PLEKHG1: variants seen among roughly 807,000 people sequenced by gnomAD.
PLEKHG1 encodes the protein pleckstrin homology and RhoGEF domain containing G1.
Under a neutral mutation model 100.8 loss-of-function variants are expected in PLEKHG1, and 44 were observed. The ratio of observed to expected loss-of-function variants is 0.44; its 90% CI spans 0.34 to 0.56. The LOEUF (loss-of-function observed/expected upper bound fraction) is 0.56, where lower values mean the gene tolerates loss of function less well. Among genes scored for constraint, PLEKHG1 ranks in the 20% least tolerant of loss-of-function variants. The pLI, the probability that PLEKHG1 is intolerant of heterozygous loss-of-function variation, is 0.01. For missense variants in PLEKHG1, 1,545 were observed against 1,720.9 expected (o/e 0.90, Z 1.81); for synonymous variants, 640 against 662.5 (o/e 0.97, Z 0.52).
chr6:150,657,478 T>G (rs567285602), intron 3 of PLEKHG1, among the ~76,000 whole-genome samples: 2 of 152,232 alleles, frequency 1.3e-5, no homozygotes, highest in African/African-American at 4.8e-5. Flanking sequence ...GTCAAAATTG[T>G]TTAATTGTTA....
At chr6:150,674,661 C>A (rs1307191178) in intron 3 of PLEKHG1, among the ~76,000 whole-genome samples, 1 of 141,606 alleles carries the variant, frequency 7.1e-6, no homozygotes, top group Admixed American at 7.2e-5. Flanking sequence ...CTCTCTCTCT[C>A]TCTCTCTCTC....
intron 3 of PLEKHG1, among the ~76,000 whole-genome samples, chr6:150,713,544 C>T (rs1049389017): frequency 6.6e-6 from 1 of 152,136 alleles, no homozygotes; most frequent in Non-Finnish European, 1.5e-5. Flanking sequence ...TGATGTTGAA[C>T]GTAGCCTTAG....
At chr6:150,836,758 G>C (rs909749005) in intron 15 of PLEKHG1, among the ~76,000 whole-genome samples, 3 of 151,696 alleles carry the variant, frequency 2.0e-5, no homozygotes, top group African/African-American at 7.3e-5. Context: ...AGGAGTCTGA[G>C]GCTGCAGTGA....
In PLEKHG1 at chr6:150,735,911, A is replaced by G. The variant is rs59663781; in HGVS notation, c.411+1819A>G. Among the ~76,000 whole-genome samples the G allele has an allele frequency of 4.2e-3, 645 of 152,360 alleles. 3 individuals carry two copies. The highest frequency in any genetic ancestry group is 0.015 in the African/African-American group (621 of 41,566). On this transcript the variant is annotated intron_variant, in intron 2 of 15. Transcript: ENST00000358517. ...GAAACAGGTAAGAGATGAATGAAAG[A>G]AAACAGATAAAGACAGAATTTATTT...
In PLEKHG1 at chr6:150,687,730, C is replaced by T. The variant is rs958273785; in HGVS notation, c.-99+36944C>T. Among the ~76,000 whole-genome samples, 12 of 152,280 alleles carry T rather than the reference C, an allele frequency of 7.9e-5. No individual in the cohort carries two copies. In the Middle Eastern group the frequency reaches 0.017, roughly 216 times the overall value. On this transcript the variant is annotated intron_variant, in intron 3 of 3. Transcript: ENST00000367326. Reference sequence around the variant, plus strand: ...ACTCCCAGGGGCTCTCAGAGCTGGCCTGCTGCCCCTCCATGCTCTCATCTG... The same window carrying T: ...ACTCCCAGGGGCTCTCAGAGCTGGCTTGCTGCCCCTCCATGCTCTCATCTG...
In PLEKHG1 at chr6:150,600,960, G is replaced by C. The variant is rs748054722; in HGVS notation, c.-204+943G>C. Reference sequence around the variant, plus strand: ...CCGCAGGTGGCCGAGGCTACTGCACGTATTTTCGAAATCACCGAGTGTGGG... The same window carrying C: ...CCGCAGGTGGCCGAGGCTACTGCACCTATTTTCGAAATCACCGAGTGTGGG... On this transcript the variant is annotated intron_variant, in intron 1 of 3. Coordinates refer to the PLEKHG1 transcript ENST00000367326. The surrounding 1 kb of genome is among the most constrained non-coding windows in gnomAD (Gnocchi z 6.2). The C allele has an allele frequency of 3.3e-5, 5 of 152,232 alleles. No individual in the cohort carries two copies. The highest frequency in any genetic ancestry group is 5.9e-5 in the Non-Finnish European group (4 of 68,060). The allele number at this position is 152,232 out of a possible 1,614,324, so 9.4% of individuals were successfully genotyped here.
intron 10 of PLEKHG1, among the ~76,000 whole-genome samples, chr6:150,810,555 GAAA>G (rs1562540404): frequency 4.3e-5 from 6 of 140,542 alleles, no homozygotes; most frequent in East Asian, 2.0e-4. Flanking sequence ...AGGAAGGAAA[GAAA>G]GAAAGAAAAT....
exon 15 of PLEKHG1, chr6:150,830,748 G>C (rs374260329): frequency 1.9e-6 from 3 of 1,614,168 alleles, no homozygotes; most frequent in East Asian, 2.2e-5. Context: ...TTTCCCAGCC[G>C]ACGGTCCCCG....
At chr6:150,641,377 T>C in intron 2 of PLEKHG1, among the ~76,000 whole-genome samples, 1 of 152,206 alleles carries the variant, frequency 6.6e-6, no homozygotes. Context: ...ATTTTTGAAA[T>C]GGTAATCATA....
At chr6:150,803,800 A>G (rs1320546576) in intron 6 of PLEKHG1, among the ~76,000 whole-genome samples, 1 of 152,120 alleles carries the variant, frequency 6.6e-6, no homozygotes, top group East Asian at 1.9e-4. Context: ...TCTGTTAAAT[A>G]TTAAGGTCCT....
chr6:150,631,845 G>A (rs538448598), intron 1 of PLEKHG1, among the ~76,000 whole-genome samples: 1 of 152,154 alleles, frequency 6.6e-6, no homozygotes, highest in Non-Finnish European at 1.5e-5. Flanking sequence ...AGCAAGTAAG[G>A]AGAAGCCCCA....
exon 16 of PLEKHG1, chr6:150,840,399 G>C: frequency 1.2e-6 from 2 of 1,614,150 alleles, no homozygotes; most frequent in Non-Finnish European, 1.7e-6. Flanking sequence ...GAGTCACCAG[G>C]ACTTGCTGCC....
chr6:150,745,444 A>G (rs1415993747), intron 2 of PLEKHG1, among the ~76,000 whole-genome samples: 3 of 152,182 alleles, frequency 2.0e-5, no homozygotes, highest in Non-Finnish European at 4.4e-5. Context: ...GCACTGTGGG[A>G]GGCCGAGGCA....
Position 150,607,411 on chromosome 6 carries a change from C to T in PLEKHG1, c.-204+7394C>T, listed in dbSNP as rs114759252. Among the ~76,000 whole-genome samples, 1,358 of 152,286 alleles carry T rather than the reference C, an allele frequency of 8.9e-3. 29 individuals are homozygous for T. The highest frequency in any genetic ancestry group is 0.032 in the African/African-American group (1,312 of 41,544). On this transcript the variant is annotated intron_variant, in intron 1 of 3. Transcript: ENST00000367326. ...CTGCAGAGAGAGGAAAAGCTGTAAT[C>T]TGAGGCATAAATATACGATCCTGTG...
intron 2 of PLEKHG1, among the ~76,000 whole-genome samples, chr6:150,765,360 G>T (rs1345807773): frequency 6.6e-6 from 1 of 151,964 alleles, no homozygotes; most frequent in Non-Finnish European, 1.5e-5. Flanking sequence ...AGGCATGATG[G>T]CACGTGCCTG....
chr6:150,767,742 T>G (rs1437688880), intron 2 of PLEKHG1, among the ~76,000 whole-genome samples: 2 of 152,228 alleles, frequency 1.3e-5, no homozygotes, highest in Non-Finnish European at 2.9e-5. Context: ...CAGGGTTACT[T>G]CCTCTAAATG....
intron 2 of PLEKHG1, among the ~76,000 whole-genome samples, chr6:150,640,226 A>G (rs551781220): frequency 6.6e-6 from 1 of 152,346 alleles, no homozygotes; most frequent in East Asian, 1.9e-4. Flanking sequence ...TTTTCTAGTC[A>G]GCTCATGACT....
At chr6:150,704,825 G>A (rs911998476) in intron 3 of PLEKHG1, among the ~76,000 whole-genome samples, 1 of 152,224 alleles carries the variant, frequency 6.6e-6, no homozygotes, top group African/African-American at 2.4e-5. Flanking sequence ...TAGTGGGGTT[G>A]GTGTCCAGTG....
At chr6:150,774,454 T>G (rs759968235) in intron 3 of PLEKHG1, among the ~76,000 whole-genome samples, 3 of 152,066 alleles carry the variant, frequency 2.0e-5, no homozygotes, top group Non-Finnish European at 4.4e-5. Flanking sequence ...GGACCTGATT[T>G]GAATCATATG....
Sources: allele counts gnomAD v4.1 joint callset (sites outside exome capture counted in the v4.1 genomes callset), GRCh38; gene constraint gnomAD v4.1.1; non-coding constraint Gnocchi (gnomAD v3.1); transcripts MANE v1.5; gene names NCBI Gene and HGNC (gene_info 2026-07-23, HGNC 2026-07-21).